Variants in ZFAT observed in about 807,000 individuals in gnomAD.
The protein encoded by ZFAT is zinc finger protein ZFAT.
In ZFAT, 64 loss-of-function variants were observed where a neutral mutation model predicts 117.7. The observed-to-expected ratio is 0.54, with a 90% CI of 0.44 to 0.67. ZFAT has a LOEUF of 0.67. Ranked by LOEUF, ZFAT falls within the 30% of genes least tolerant of loss-of-function variation. The pLI, the probability that ZFAT is intolerant of heterozygous loss-of-function variation, is 0.00. For missense variants in ZFAT, 1,433 were observed against 1,584.5 expected (o/e 0.90, Z 1.62); for synonymous variants, 679 against 615.0 (o/e 1.10, Z -1.54).
intron 1 of ZFAT, among the ~76,000 whole-genome samples, chr8:134,669,635 C>T (rs1032583368): frequency 6.6e-6 from 1 of 152,198 alleles, no homozygotes; most frequent in Non-Finnish European, 1.5e-5. Flanking sequence ...CCGGTACCAG[C>T]CACTGCAAAA....
intron 12 of ZFAT, among the ~76,000 whole-genome samples, chr8:134,529,567 C>T (rs1821263026): frequency 6.6e-6 from 1 of 152,128 alleles, no homozygotes; most frequent in South Asian, 2.1e-4. Context: ...CTCAGTACTA[C>T]CTTAATTACT....
chr8:134,759,076 C>A, the ZFAT span, among the ~76,000 whole-genome samples: 3 of 152,174 alleles, frequency 2.0e-5, no homozygotes, highest in African/African-American at 7.2e-5. Flanking sequence ...TCATGAAAGT[C>A]TTTCTTTAGG....
At chr8:134,531,711 T>G (rs966841598) in intron 12 of ZFAT, among the ~76,000 whole-genome samples, 1 of 152,220 alleles carries the variant, frequency 6.6e-6, no homozygotes, top group Non-Finnish European at 1.5e-5. Flanking sequence ...CGAAGGCACA[T>G]GCTCGCCGTT....
At chr8:134,796,515 G>A in the ZFAT span, 3 of 152,154 alleles carry the variant, frequency 2.0e-5, no homozygotes, top group African/African-American at 4.8e-5. Flanking sequence ...AGCACTTCTG[G>A]TTTTTTCCTT....
chr8:134,640,230 G>A (rs1224800049), intron 2 of ZFAT, among the ~76,000 whole-genome samples: 1 of 152,198 alleles, frequency 6.6e-6, no homozygotes, highest in African/African-American at 2.4e-5. Flanking sequence ...TATCAAAGCT[G>A]AGAGAGGCCG....
chr8:134,637,361 T>C (rs1447821406), intron 3 of ZFAT, 100 bp downstream of exon 3: 2 of 1,422,326 alleles, frequency 1.4e-6, no homozygotes, highest in African/African-American at 1.4e-5. Context: ...TGAATAAATA[T>C]GTGCTATTTC....
At chr8:134,681,891 C>A (rs1429624710) in intron 1 of ZFAT, among the ~76,000 whole-genome samples, 2 of 152,210 alleles carry the variant, frequency 1.3e-5, no homozygotes, top group Non-Finnish European at 2.9e-5. Context: ...TCAATAAAGT[C>A]TCATATGTGC....
the ZFAT span, among the ~76,000 whole-genome samples, chr8:134,810,907 T>C: frequency 0.022 from 3,371 of 152,182 alleles, 52 homozygotes; most frequent in Non-Finnish European, 0.034. Context: ...AGTTCTTCAG[T>C]TATATTTGAC....
the ZFAT span, among the ~76,000 whole-genome samples, chr8:134,821,475 T>C: frequency 1.3e-5 from 2 of 151,660 alleles, no homozygotes; most frequent in Non-Finnish European, 2.9e-5. Flanking sequence ...AGAGGTAAAC[T>C]GACAAAAACT....
the ZFAT span, among the ~76,000 whole-genome samples, chr8:134,812,497 A>C: frequency 3.9e-5 from 6 of 152,318 alleles, no homozygotes; most frequent in Admixed American, 3.3e-4. Context: ...TTGGGAGGCC[A>C]AGGCGGGCAA....
chr8:134,786,338 A>G, the ZFAT span, among the ~76,000 whole-genome samples: 1 of 152,326 alleles, frequency 6.6e-6, no homozygotes, highest in Non-Finnish European at 1.5e-5. Context: ...ACATTAAGGA[A>G]CATCTCTAAA....
At chr8:134,722,913 G>A in the ZFAT span, 1 of 152,166 alleles carries the variant, frequency 6.6e-6, no homozygotes, top group African/African-American at 2.4e-5. Flanking sequence ...AATCCAACAT[G>A]GCCAGGGTCA....
chr8:134,672,324 T>C (rs1832600311), intron 1 of ZFAT, among the ~76,000 whole-genome samples: 2 of 152,194 alleles, frequency 1.3e-5, no homozygotes, highest in African/African-American at 4.8e-5. Flanking sequence ...AGAACAAAGC[T>C]GGAGGCATAA....
At chr8:134,712,737 C>CCGGCGGG in intron 1 of ZFAT, 108 bp downstream of exon 1, 1 of 1,121,824 alleles carries the variant, frequency 8.9e-7, no homozygotes, top group Non-Finnish European at 1.2e-6. Flanking sequence ...CGGCCGGCGG[C>CCGGCGGG]CGGCGGCCGG....
intron 11 of ZFAT, among the ~76,000 whole-genome samples, chr8:134,538,833 G>A (rs1245940053): frequency 2.0e-5 from 3 of 150,470 alleles, no homozygotes; most frequent in African/African-American, 4.9e-5. Context: ...TTAAAAAGAC[G>A]TACATTGAAG....
intron 1 of ZFAT, among the ~76,000 whole-genome samples, chr8:134,702,139 A>C (rs1307552859): frequency 6.6e-6 from 1 of 152,218 alleles, no homozygotes; most frequent in African/African-American, 2.4e-5. Context: ...GGCCCTCACC[A>C]GATGCAGCCC....
intron 3 of ZFAT, among the ~76,000 whole-genome samples, chr8:134,617,977 G>T (rs906140572): frequency 6.6e-6 from 1 of 152,108 alleles, no homozygotes; most frequent in Admixed American, 6.6e-5. Context: ...TAGTGAATAA[G>T]TCTCATGAGA....
At chr8:134,531,089 C>T (rs1821372308) in intron 12 of ZFAT, among the ~76,000 whole-genome samples, 1 of 152,184 alleles carries the variant, frequency 6.6e-6, no homozygotes, top group Non-Finnish European at 1.5e-5. Context: ...ATATAAAACC[C>T]CGCTCCTGTC....
the ZFAT span, among the ~76,000 whole-genome samples, chr8:134,799,188 C>T: frequency 2.0e-5 from 3 of 152,228 alleles, no homozygotes; most frequent in South Asian, 2.1e-4. Context: ...TCCATGCTTT[C>T]ATTTCACATT....
Sources: gnomAD v4.1 joint callset for allele counts (sites outside exome capture counted in the v4.1 genomes callset) on GRCh38, gnomAD v4.1.1 for gene constraint, MANE v1.5 for transcripts, NCBI Gene and HGNC (gene_info 2026-07-23, HGNC 2026-07-21) for gene names.